Variants in STAM2 observed in about 807,000 individuals in gnomAD.
STAM2 encodes signal transducing adaptor molecule 2, also known as signal transducing adapter molecule 2.
Under a neutral mutation model 65.6 loss-of-function variants are expected in STAM2, and 51 were observed. The ratio of observed to expected loss-of-function variants is 0.78; its 90% CI spans 0.62 to 0.98. The LOEUF is 0.98. STAM2 is among the 50% of genes least tolerant of loss of function. The pLI, the probability that STAM2 is intolerant of heterozygous loss-of-function variation, is 0.00. For synonymous variants in STAM2, 198 were observed against 208.4 expected, an observed-to-expected ratio of 0.95 and a Z score of 0.43; for missense variants, 584 against 617.8, an observed-to-expected ratio of 0.95 and a Z score of 0.58.
At chr2:152,136,548 A>C (rs138903796) in intron 7 of STAM2, among the ~76,000 whole-genome samples, 10 of 152,332 alleles carry the variant, frequency 6.6e-5, no homozygotes, top group African/African-American at 2.2e-4. Flanking sequence ...CACTGCCACA[A>C]TAAAGTTGGT....
In STAM2 at chr2:152,118,626, T is replaced by A. The variant is rs1439793372; in HGVS notation, c.*1948A>T. ...CAAACATTAAAATAAGTTTATTAAA[T>A]AGAGTTTGGGAGAAAAAAAGTAAGA... On this transcript the variant is annotated 3_prime_UTR_variant, in exon 14 of 14. Coordinates refer to ENST00000263904, the MANE Select transcript of STAM2 (RefSeq NM_005843.6). The A allele has an allele frequency of 6.6e-6, 1 of 151,706 alleles. No homozygotes were observed. The highest frequency in any genetic ancestry group is 1.5e-5 in the Non-Finnish European group (1 of 67,860). The allele number at this position is 151,706 out of a possible 1,614,324, so 9.4% of individuals were successfully genotyped here.
chr2:152,161,494 T>TAAAAAAAAA (rs10714838), intron 1 of STAM2, among the ~76,000 whole-genome samples: 1 of 103,598 alleles, frequency 9.7e-6, no homozygotes, highest in African/African-American at 3.5e-5. Context: ...GAATGATCAA[T>TAAAAAAAAA]AAAAAAAAAA....
At chr2:152,171,339 A>C (rs1689895225) in intron 1 of STAM2, among the ~76,000 whole-genome samples, 1 of 152,162 alleles carries the variant, frequency 6.6e-6, no homozygotes, top group South Asian at 2.1e-4. Context: ...ATAGTTTAAA[A>C]AGCTACAAAA....
chr2:152,127,639 C>T (rs1037650333), intron 11 of STAM2, among the ~76,000 whole-genome samples: 5 of 150,590 alleles, frequency 3.3e-5, no homozygotes, highest in Non-Finnish European at 5.9e-5. Flanking sequence ...CTTGAAAATC[C>T]AAGTAAAAAC....
At chr2:152,144,801 T>C in intron 6 of STAM2, 87 bp downstream of exon 6, 2 of 1,105,510 alleles carry the variant, frequency 1.8e-6, no homozygotes, top group Non-Finnish European at 2.8e-6. Context: ...CCTCCCAAAG[T>C]GCTGGGATTA....
intron 1 of STAM2, among the ~76,000 whole-genome samples, chr2:152,150,531 G>C (rs975567944): frequency 6.6e-6 from 1 of 152,234 alleles, no homozygotes; most frequent in Non-Finnish European, 1.5e-5. Flanking sequence ...GGCCGGGCAT[G>C]GTGGCTCATG....
chr2:152,120,395 GAAAAAAA>G lies in STAM2; in HGVS notation c.*172_*178del. 6.6e-6 allele frequency: 2 copies of G among 304,128 alleles called. No individual in the cohort carries two copies. Among genetic ancestry groups the G allele is most frequent in the Non-Finnish European group, 5.7e-6 (1 of 173,930 alleles). The allele number at this position is 304,128 out of a possible 1,614,324, so 18.8% of individuals were successfully genotyped here. A position where few individuals can be genotyped will look rare whatever the true frequency, so the allele number is the denominator to read the frequency against. Reference sequence around the variant, plus strand: ...AGATTGACTTCAAACAAACTGGACTGAAAAAAAAAAAAAAAAAAAACCTTTTATGGCC... The same window carrying G: ...AGATTGACTTCAAACAAACTGGACTGAAAAAAAAAAAAACCTTTTATGGCC... On this transcript the variant is annotated 3_prime_UTR_variant, in exon 14 of 14. Coordinates refer to ENST00000263904, the MANE Select transcript of STAM2 (RefSeq NM_005843.6).
intron 1 of STAM2, among the ~76,000 whole-genome samples, chr2:152,166,072 G>A (rs556778827): frequency 6.6e-6 from 1 of 152,204 alleles, no homozygotes; most frequent in African/African-American, 2.4e-5. Context: ...GCATGGTGGT[G>A]CACATCTGTA....
At chr2:152,171,099 G>A (rs930804039) in intron 1 of STAM2, among the ~76,000 whole-genome samples, 1 of 152,166 alleles carries the variant, frequency 6.6e-6, no homozygotes, top group Non-Finnish European at 1.5e-5. Context: ...ATTTGTAAGT[G>A]TAGTATTATA....
Position 152,120,408 on chromosome 2 carries a change from A to AC in STAM2, c.*165_*166insG, listed in dbSNP as rs1560207638. On this transcript the variant is annotated 3_prime_UTR_variant, in exon 14 of 14. Coordinates refer to ENST00000263904, the MANE Select transcript of STAM2 (RefSeq NM_005843.6). The stretch of plus-strand genomic sequence containing the variant: ...ACAAACTGGACTGAAAAAAAAAAAA[A>AC]AAAAAAACCTTTTATGGCCTTGTAG... The AC allele has an allele frequency of 3.5e-6, 2 of 576,200 alleles. No individual in the cohort carries two copies. Among genetic ancestry groups the AC allele is most frequent in the African/African-American group, 3.8e-5 (2 of 53,026 alleles). The allele number at this position is 576,200 out of a possible 1,614,324, so 35.7% of individuals were successfully genotyped here.
At chr2:152,142,970 T>C (rs1208267244) in intron 7 of STAM2, among the ~76,000 whole-genome samples, 1 of 152,202 alleles carries the variant, frequency 6.6e-6, no homozygotes, top group East Asian at 1.9e-4. Flanking sequence ...AGTGTAAATC[T>C]GCTATCTGGG....
intron 6 of STAM2, 56 bp from the exon 7 acceptor site, chr2:152,144,069 A>T: frequency 7.2e-7 from 1 of 1,398,042 alleles, no homozygotes; most frequent in East Asian, 2.5e-5. Flanking sequence ...TAAAATAAAC[A>T]TTAGATGACA....
intron 10 of STAM2, among the ~76,000 whole-genome samples, chr2:152,132,378 T>C (rs1415400043): frequency 1.3e-5 from 2 of 152,222 alleles, no homozygotes; most frequent in Admixed American, 1.3e-4. Context: ...AAAAACCTCA[T>C]TATGTTTTCT....
At chr2:152,130,237 C>T (rs779592207) in intron 11 of STAM2, among the ~76,000 whole-genome samples, 15 of 151,974 alleles carry the variant, frequency 9.9e-5, no homozygotes, top group Non-Finnish European at 1.8e-4. Context: ...CAGTGTTGCT[C>T]CTATTTTATT....
intron 6 of STAM2, 146 bp downstream of exon 6, chr2:152,144,742 T>C (rs1012406696): frequency 3.4e-6 from 2 of 580,160 alleles, no homozygotes; most frequent in Non-Finnish European, 6.1e-6. Context: ...TTTCACCTTG[T>C]TGGTCAGGCT....
Position 152,159,639 on chromosome 2 carries a change from G to T in STAM2, c.41-9410C>A, listed in dbSNP as rs1227334360. On this transcript the variant is annotated intron_variant, in intron 1 of 13. Transcript: ENST00000263904. Reference sequence around the variant, plus strand: ...TCCCGCATGGAGAGCTCACCCACTGGGGGCATATTTTTCCCATTGGAAAAG... The same window carrying T: ...TCCCGCATGGAGAGCTCACCCACTGTGGGCATATTTTTCCCATTGGAAAAG... Among the ~76,000 whole-genome samples, 5 of 152,042 alleles carry T rather than the reference G, an allele frequency of 3.3e-5. No homozygotes were observed. In the East Asian group the frequency reaches 9.7e-4, roughly 29 times the overall value.
chr2:152,124,132 G>T, intron 12 of STAM2, 197 bp from the exon 13 acceptor site: 1 of 543,188 alleles, frequency 1.8e-6, no homozygotes, highest in Non-Finnish European at 3.2e-6. Context: ...AATTTGATTT[G>T]TTTGGCTGTT....
At chr2:152,121,868 C>T (rs1030080795) in intron 13 of STAM2, among the ~76,000 whole-genome samples, 3 of 151,880 alleles carry the variant, frequency 2.0e-5, no homozygotes, top group African/African-American at 7.3e-5. Context: ...CACAGTGAAA[C>T]TCCGTCTCTA....
In STAM2 at chr2:152,143,907, T is replaced by A. The variant is rs1331334181; in HGVS notation, c.624A>T (p.Arg208Ser). ...QLNNKVARKV[R>S]ALYDFEAVED... is the part of the protein sequence containing the mutation. ...CAACAGCTTCAAAATCATATAAAGC[T>A]CTCACTTTCCGTGCAACCTTATTAT... The change falls in exon 7 of 14, where the codon AGA becomes AGT. Residue 208 changes from arginine (R) to serine (S), a missense_variant. Arg to Ser is a moderately radical substitution (Grantham distance 110, BLOSUM62 -1). Coordinates refer to ENST00000263904, the MANE Select transcript of STAM2 (RefSeq NM_005843.6). 1.2e-6 allele frequency: 2 copies of A among 1,613,832 alleles called. No homozygotes were observed. Among genetic ancestry groups the A allele is most frequent in the Non-Finnish European group, 1.7e-6 (2 of 1,179,850 alleles).
Sources: allele counts gnomAD v4.1 joint callset (sites outside exome capture counted in the v4.1 genomes callset), GRCh38; gene constraint gnomAD v4.1.1; transcripts MANE v1.5; gene names NCBI Gene and HGNC (gene_info 2026-07-23, HGNC 2026-07-21).